The following FUS variants were observed in gnomAD, a reference collection of about 807,000 sequenced individuals.
FUS encodes FUS RNA binding protein.
FUS carries 5 observed loss-of-function variants against 82.7 expected under a neutral mutation model. The observed-to-expected ratio is 0.06, with a 90% CI of 0.03 to 0.13. The LOEUF is 0.13. FUS is among the 10% of genes least tolerant of loss of function. The probability of loss-of-function intolerance (pLI) is 1.00; values close to 1 mark genes in which losing one functional copy is unlikely to be tolerated. For synonymous variants in FUS, 281 were observed against 247.4 expected, an observed-to-expected ratio of 1.14 and a Z score of -1.27; for missense variants, 512 against 707.8, an observed-to-expected ratio of 0.72 and a Z score of 3.14.
At chr16:31,194,832 TAAAAAC>T (rs774796690), downstream of FUS, 18 of 477,610 alleles carry the variant, frequency 3.8e-5, no homozygotes, top group South Asian at 2.6e-4. Flanking sequence ...AGACCAAAAA[TAAAAAC>T]AAAAAATGAT....
intron 6 of FUS, 115 bp from the exon 7 acceptor site, chr16:31,186,687 G>T: frequency 1.1e-6 from 1 of 940,282 alleles, no homozygotes; most frequent in Non-Finnish European, 1.7e-6. Flanking sequence ...GTAGCCACTT[G>T]TATCTTTTTC....
chr16:31,186,535 A>G (rs375699917), intron 6 of FUS: 22 of 549,980 alleles, frequency 4.0e-5, no homozygotes, highest in African/African-American at 3.2e-4. Context: ...ACCAAGGAAA[A>G]TGGGTTATTT....
At chr16:31,187,079 T>C (rs1228818366) in intron 7 of FUS, 12 of 583,854 alleles carry the variant, frequency 2.1e-5, no homozygotes. Context: ...ATAAGAGGGG[T>C]CTAGTAGGCC....
downstream of FUS, chr16:31,193,326 C>T (rs1294478262): frequency 1.9e-6 from 1 of 522,842 alleles, no homozygotes; most frequent in Non-Finnish European, 3.7e-6. Context: ...TCAAGTGGGC[C>T]TTCCCAGGCA....
chr16:31,189,548 A>G, intron 9 of FUS, 117 bp from the exon 10 acceptor site: 1 of 1,395,476 alleles, frequency 7.2e-7, no homozygotes, highest in African/African-American at 1.4e-5. Context: ...GGAAGAAGTA[A>G]CTGGGAAGAG....
At chr16:31,184,434 T>A in intron 5 of FUS, 38 bp downstream of exon 5, 1 of 1,544,776 alleles carries the variant, frequency 6.5e-7, no homozygotes, top group Non-Finnish European at 8.8e-7. Flanking sequence ...CCCATTTTCT[T>A]TTTCTTTTTT....
chr16:31,194,550 C>T (rs956780058), downstream of FUS: 1 of 499,438 alleles, frequency 2.0e-6, no homozygotes, highest in African/African-American at 1.9e-5. Flanking sequence ...AAGTGATTGT[C>T]CCACTTTGGC....
At position 31,182,564 on chromosome 16, in the gene FUS, T is replaced by C. The variant is rs1485377976; in HGVS notation, c.90T>C (p.Ser30=). The change falls in exon 3 of 15, where the codon AGT becomes AGC. Residue 30 remains serine, a synonymous_variant. Transcript: ENST00000254108. ...GGCAGGGCTATTCCCAGCAGAGCAG[T>C]CAGCCCTACGGACAGCAGAGTTACA... is the stretch of plus-strand genomic sequence containing the variant. ...QPGQGYSQQS[S]QPYGQQSYSG... 3.0e-5 allele frequency: 49 copies of C among 1,614,030 alleles called. No homozygotes were observed. The highest frequency in any genetic ancestry group is 4.0e-5 in the Non-Finnish European group (47 of 1,180,024).
intron 3 of FUS, 116 bp from the exon 4 acceptor site, chr16:31,183,742 T>G: frequency 7.7e-7 from 1 of 1,301,178 alleles, no homozygotes; most frequent in Admixed American, 1.7e-5. Flanking sequence ...GCAACATCAC[T>G]AACAGCTTCT....
At chr16:31,192,641 G>A, downstream of FUS, 1 of 482,786 alleles carries the variant, frequency 2.1e-6, no homozygotes, top group Admixed American at 2.3e-5. Flanking sequence ...GCTCACTGTA[G>A]CCTCTGCCTC....
downstream of FUS, chr16:31,191,612 T>A (rs773045575): frequency 5.2e-6 from 4 of 764,230 alleles, no homozygotes; most frequent in Non-Finnish European, 4.6e-6. Context: ...TAAATTTTGT[T>A]CCTCTTCCCC....
chr16:31,183,722 C>T (rs1257223715), intron 3 of FUS, 136 bp from the exon 4 acceptor site: 11 of 1,032,492 alleles, frequency 1.1e-5, no homozygotes, highest in African/African-American at 1.6e-5. Flanking sequence ...ACTATCTTTG[C>T]CTATGAGTTG....
chr16:31,182,358 T>C (rs1596889373), intron 1 of FUS, 40 bp from the exon 2 acceptor site: 3 of 1,611,336 alleles, frequency 1.9e-6, no homozygotes. Flanking sequence ...TCTTTCAGAG[T>C]GGCAGCTGAA....
At chr16:31,192,678 A>G (rs542737490), downstream of FUS, 1 of 481,220 alleles carries the variant, frequency 2.1e-6, no homozygotes, top group East Asian at 5.0e-5. Context: ...CTCCTGCCTC[A>G]GGAGAATCCC....
At chr16:31,192,163 G>C (rs1195022576), downstream of FUS, 1 of 528,872 alleles carries the variant, frequency 1.9e-6, no homozygotes, top group African/African-American at 1.9e-5. Flanking sequence ...AAGGAGACTG[G>C]TCTGGCTGGG....
chr16:31,193,008 C>G (rs1313060808), downstream of FUS: 1 of 485,328 alleles, frequency 2.1e-6, no homozygotes, highest in East Asian at 4.9e-5. Flanking sequence ...GTTGCCCAGG[C>G]TGGAGTGCAA....
intron 1 of FUS, 77 bp downstream of exon 1, chr16:31,180,304 A>T: frequency 1.3e-6 from 2 of 1,542,314 alleles, no homozygotes; most frequent in Non-Finnish European, 1.8e-6. Flanking sequence ...TTTCAGTGGG[A>T]CCGGGGCGGC....
rs73530287 is a variant in FUS, at chr16:31,184,934, C to T, written c.524-5C>T. On this transcript the variant is annotated splice_region_variant and splice_polypyrimidine_tract_variant and intron_variant, in intron 5 of 14. Coordinates refer to ENST00000254108, the MANE Select transcript of FUS (RefSeq NM_004960.4). Reference sequence around the variant, plus strand: ...TTTTTTTAATCATTCTTTCTTTTCTCACAGGTAACTATGGCCAAGATCAAT... The same window carrying T: ...TTTTTTTAATCATTCTTTCTTTTCTTACAGGTAACTATGGCCAAGATCAAT... 4,059 of 1,609,054 alleles carry T rather than the reference C, an allele frequency of 2.5e-3. 89 individuals carry two copies. The African/African-American group carries it at 0.049, about 19-fold the overall frequency.
At chr16:31,183,540 T>G (rs749618233) in intron 3 of FUS, 12 of 394,754 alleles carry the variant, frequency 3.0e-5, no homozygotes, top group Non-Finnish European at 5.3e-5. Context: ...GTGGTTGTCC[T>G]GTAGATACTG....
Sources: gnomAD v4.1 joint callset for allele counts on GRCh38, gnomAD v4.1.1 for gene constraint, MANE v1.5 for transcripts, NCBI Gene and HGNC (gene_info 2026-07-23, HGNC 2026-07-21) for gene names.